RALGPS1: variants seen among roughly 807,000 people sequenced by gnomAD.
RALGPS1 encodes the protein Ral GEF with PH domain and SH3 binding motif 1.
Under a neutral mutation model 78.8 loss-of-function variants are expected in RALGPS1, and 19 were observed. The observed-to-expected ratio is 0.24, with a 90% CI of 0.17 to 0.35. The LOEUF is 0.35. RALGPS1 is among the 10% of genes least tolerant of loss of function. The pLI, the probability that RALGPS1 is intolerant of heterozygous loss-of-function variation, is 1.00. For synonymous variants in RALGPS1, 228 were observed against 256.3 expected, an observed-to-expected ratio of 0.89 and a Z score of 1.06; for missense variants, 454 against 688.3, an observed-to-expected ratio of 0.66 and a Z score of 3.81.
At chr9:127,172,009 A>G (rs2059591824) in intron 10 of RALGPS1, among the ~76,000 whole-genome samples, 1 of 152,242 alleles carries the variant, frequency 6.6e-6, no homozygotes, top group African/African-American at 2.4e-5. Context: ...CTTACTGTTT[A>G]GTATTTTTAA....
At chr9:126,918,470 C>T (rs9408977) in intron 1 of RALGPS1, among the ~76,000 whole-genome samples, 30,563 of 151,952 alleles carry the variant, frequency 0.2, 3,805 homozygotes, top group East Asian at 0.44. Flanking sequence ...CCAAGTACTG[C>T]GCCACAACAC....
At chr9:126,963,019 C>T (rs1380405982) in intron 2 of RALGPS1, among the ~76,000 whole-genome samples, 1 of 152,206 alleles carries the variant, frequency 6.6e-6, no homozygotes, top group African/African-American at 2.4e-5. Context: ...TCACAGGAAT[C>T]AGTTAGTTTC....
In RALGPS1 at chr9:127,212,777, T is replaced by A; in HGVS notation, c.1446+58T>A. On this transcript the variant is annotated intron_variant, in intron 16 of 18. Coordinates refer to ENST00000259351, the MANE Select transcript of RALGPS1 (RefSeq NM_014636.3). The surrounding 1 kb of genome is among the most constrained non-coding windows in gnomAD (Gnocchi z 6.0). ...CTTCCTCTAGTGGGGAAGGGACCTC[T>A]GTGAACTGTGGAGGATGGGGGTGGG... 1 of 1,535,856 alleles carries A rather than the reference T, an allele frequency of 6.5e-7. No homozygotes were observed. The highest frequency in any genetic ancestry group is 2.3e-5 in the East Asian group (1 of 43,452).
chr9:126,994,694 T>C (rs2042578458), intron 4 of RALGPS1, among the ~76,000 whole-genome samples: 1 of 151,876 alleles, frequency 6.6e-6, no homozygotes, highest in Admixed American at 6.6e-5. Flanking sequence ...ACAAAGATAC[T>C]CCTCGAGAAG....
intron 5 of RALGPS1, among the ~76,000 whole-genome samples, chr9:127,038,313 C>A (rs896273407): frequency 6.6e-6 from 1 of 152,234 alleles, no homozygotes; most frequent in African/African-American, 2.4e-5. Flanking sequence ...ATTTTACACT[C>A]ATTTCATGGA....
chr9:127,009,832 G>T (rs1041041435), intron 4 of RALGPS1, among the ~76,000 whole-genome samples: 1 of 152,144 alleles, frequency 6.6e-6, no homozygotes, highest in African/African-American at 2.4e-5. Context: ...CTTTCTTGAA[G>T]GTTTAGCCCA....
At chr9:126,933,170 GC>G (rs1260515198) in intron 1 of RALGPS1, among the ~76,000 whole-genome samples, 1 of 152,178 alleles carries the variant, frequency 6.6e-6, no homozygotes, top group African/African-American at 2.4e-5. Flanking sequence ...AGCAGGGGAG[GC>G]CAGAGACCAG....
chr9:127,202,986 C>T (rs1286042456), intron 14 of RALGPS1, among the ~76,000 whole-genome samples: 1 of 152,156 alleles, frequency 6.6e-6, no homozygotes, highest in Non-Finnish European at 1.5e-5. Context: ...CAACCTCGGG[C>T]CCCTTGGAAA....
At chr9:126,998,024 A>G (rs2042934661) in intron 4 of RALGPS1, among the ~76,000 whole-genome samples, 1 of 152,234 alleles carries the variant, frequency 6.6e-6, no homozygotes, top group Admixed American at 6.5e-5. Flanking sequence ...TTAATTCAAG[A>G]TGGATTAAAG....
chr9:127,196,622 C>G lies in RALGPS1; in HGVS notation c.1186C>G (p.Leu396Val). Residue 396 changes from leucine to valine, a missense_variant, in exon 13 of 19, where the codon CTC becomes GTC. Coordinates refer to ENST00000259351, the MANE Select transcript of RALGPS1 (RefSeq NM_014636.3). Reference sequence around the variant, plus strand: ...CTCCTCCTCTGCTGTCACCAATGGACTCTCCCTAGGTAAGCGTCTCCGGCC... The same window carrying G: ...CTCCTCCTCTGCTGTCACCAATGGAGTCTCCCTAGGTAAGCGTCTCCGGCC... ...LTSSSAVTNG[L>V]SLGSSESSEF... The G allele has an allele frequency of 6.2e-7, 1 of 1,603,816 alleles. No individual in the cohort carries two copies. The highest frequency in any genetic ancestry group is 8.5e-7 in the Non-Finnish European group (1 of 1,174,460).
intron 8 of RALGPS1, among the ~76,000 whole-genome samples, chr9:127,098,462 A>G (rs2053389837): frequency 6.6e-6 from 1 of 152,184 alleles, no homozygotes; most frequent in Non-Finnish European, 1.5e-5. Context: ...TTCCACGTGA[A>G]GAGAAATGCA....
chr9:127,176,957 A>G (rs776751794), intron 11 of RALGPS1, among the ~76,000 whole-genome samples: 2 of 151,898 alleles, frequency 1.3e-5, no homozygotes, highest in Non-Finnish European at 2.9e-5. Context: ...AGCCTTAGAC[A>G]TTCTCCCCCT....
At chr9:127,022,509 C>G (rs2045556731) in intron 4 of RALGPS1, among the ~76,000 whole-genome samples, 2 of 147,916 alleles carry the variant, frequency 1.4e-5, no homozygotes, top group African/African-American at 2.6e-5. Flanking sequence ...GTTTTCCCAT[C>G]CCATGCAGAA....
intron 4 of RALGPS1, among the ~76,000 whole-genome samples, chr9:126,996,105 CA>C (rs2042724764): frequency 6.6e-6 from 1 of 152,136 alleles, no homozygotes; most frequent in African/African-American, 2.4e-5. Flanking sequence ...GACACCCTGA[CA>C]TCACAATTAA....
intron 1 of RALGPS1, among the ~76,000 whole-genome samples, chr9:126,958,440 C>G (rs1326845554): frequency 6.6e-6 from 1 of 152,140 alleles, no homozygotes; most frequent in Non-Finnish European, 1.5e-5. Flanking sequence ...CTGTCCCTTC[C>G]CCTGGCCCAC....
intron 4 of RALGPS1, among the ~76,000 whole-genome samples, chr9:126,997,721 A>G (rs2042904385): frequency 6.6e-6 from 1 of 152,226 alleles, no homozygotes; most frequent in Non-Finnish European, 1.5e-5. Flanking sequence ...AGTGAATCCT[A>G]AGCCAAAAGA....
chr9:127,201,240 G>A (rs551348735), intron 14 of RALGPS1, among the ~76,000 whole-genome samples: 2 of 152,342 alleles, frequency 1.3e-5, no homozygotes, highest in East Asian at 1.9e-4. Flanking sequence ...CATGGCTGGC[G>A]CAGATGCCCG....
chr9:127,138,521 A>G (rs1019147600), intron 8 of RALGPS1, among the ~76,000 whole-genome samples: 1 of 152,154 alleles, frequency 6.6e-6, no homozygotes, highest in African/African-American at 2.4e-5. Flanking sequence ...CTGGGCACAC[A>G]CTACTCCAGG....
chr9:127,041,651 G>A (rs1256904343), intron 5 of RALGPS1, among the ~76,000 whole-genome samples: 1 of 152,208 alleles, frequency 6.6e-6, no homozygotes, highest in Non-Finnish European at 1.5e-5. Context: ...TATCACACAG[G>A]AGTGGCATGT....
Sources: gnomAD v4.1 joint callset for allele counts (sites outside exome capture counted in the v4.1 genomes callset) on GRCh38, gnomAD v4.1.1 for gene constraint, Gnocchi (gnomAD v3.1) non-coding constraint, MANE v1.5 for transcripts, NCBI Gene and HGNC (gene_info 2026-07-23, HGNC 2026-07-21) for gene names.